ZC3H7A: variants seen among roughly 807,000 people sequenced by gnomAD.
The protein encoded by ZC3H7A is zinc finger CCCH-type containing 7A, also known as zinc finger CCCH domain-containing protein 7A.
Under a neutral mutation model 125.5 loss-of-function variants are expected in ZC3H7A, and 44 were observed. The observed-to-expected ratio is 0.35, with a 90% CI of 0.28 to 0.45. The LOEUF is 0.45. Ranked by LOEUF, ZC3H7A falls within the 20% of genes least tolerant of loss-of-function variation. The pLI, the probability that ZC3H7A is intolerant of heterozygous loss-of-function variation, is 1.00. For missense variants in ZC3H7A, 977 were observed against 1,170.7 expected, an observed-to-expected ratio of 0.83 and a Z score of 2.41; for synonymous variants, 399 against 391.2, an observed-to-expected ratio of 1.02 and a Z score of -0.23.
At chr16:11,761,084 T>A (rs1216822651) in intron 19 of ZC3H7A, among the ~76,000 whole-genome samples, 1 of 152,150 alleles carries the variant, frequency 6.6e-6, no homozygotes, top group East Asian at 1.9e-4. Context: ...ACCAAAGAAA[T>A]CACAATTAAA....
intron 21 of ZC3H7A, among the ~76,000 whole-genome samples, chr16:11,755,887 G>T (rs183050121): frequency 1.3e-5 from 2 of 152,104 alleles, no homozygotes; most frequent in Admixed American, 1.3e-4. Context: ...AAGAAAGGCC[G>T]GGCATGGTGG....
chr16:11,788,616 CTT>C (rs1456172023), intron 1 of ZC3H7A, among the ~76,000 whole-genome samples: 21 of 141,454 alleles, frequency 1.5e-4, no homozygotes, highest in Admixed American at 1.4e-4. Context: ...TTTTTTCTTT[CTT>C]TTTTTTTTTT....
intron 3 of ZC3H7A, among the ~76,000 whole-genome samples, chr16:11,780,535 A>C (rs1180823949): frequency 1.3e-5 from 2 of 152,172 alleles, no homozygotes; most frequent in Non-Finnish European, 2.9e-5. Context: ...TAGCTGATTA[A>C]ATTATTTTAG....
rs66812605 is a variant in ZC3H7A, at chr16:11,760,122, G to GAAAAAAAAAAAAAAAAAAAAAA, written c.2319+1262_2319+1283dup. On this transcript the variant is annotated intron_variant, in intron 19 of 22. Transcript: ENST00000355758. ...CCTGGGTGACAGAGCAAGAAAAAAT[G>GAAAAAAAAAAAAAAAAAAAAAA]AAAAAAAAAAAAAAAAAAAAAAAGA... Among the ~76,000 whole-genome samples, 8 of 82,530 alleles carry GAAAAAAAAAAAAAAAAAAAAAA rather than the reference G, an allele frequency of 9.7e-5. 1 individual carries two copies. The highest frequency in any genetic ancestry group is 3.2e-4 in the African/African-American group (6 of 18,606). The allele number at this position is 82,530 out of a possible 152,430, so 54.1% of individuals were successfully genotyped here.
At position 11,751,088 on chromosome 16, in the gene ZC3H7A, TGG is replaced by T. The variant is rs1567368286; in HGVS notation, c.*227_*228del. 3 of 435,388 alleles carry T rather than the reference TGG, an allele frequency of 6.9e-6. No individual in the cohort carries two copies. Among genetic ancestry groups the T allele is most frequent in the Non-Finnish European group, 8.2e-6 (2 of 244,242 alleles). 27.0% of individuals were successfully genotyped at this position (435,388 alleles called of 1,614,324 possible). A position where few individuals can be genotyped will look rare whatever the true frequency, so the allele number is the denominator to read the frequency against. On this transcript the variant is annotated 3_prime_UTR_variant, in exon 23 of 23. Coordinates refer to ENST00000355758, the MANE Select transcript of ZC3H7A (RefSeq NM_014153.4). The stretch of plus-strand genomic sequence containing the variant: ...TTCATCCAAAAGTCTGTTCAACAGA[TGG>T]CAACCGGGTAGCAGTCACTTCACCA...
At position 11,765,759 on chromosome 16, in the gene ZC3H7A, A is replaced by G; in HGVS notation, c.1523-74T>C. The G allele has an allele frequency of 6.9e-7, 1 of 1,445,162 alleles. No homozygotes were observed. The highest frequency in any genetic ancestry group is 1.4e-5 in the African/African-American group (1 of 71,054). The allele number at this position is 1,445,162 out of a possible 1,614,324, so 89.5% of individuals were successfully genotyped here. On this transcript the variant is annotated intron_variant, in intron 13 of 22. Transcript: ENST00000355758. This position sits in a 1 kb window ranked among gnomAD's most constrained non-coding sequence, Gnocchi z 4.8. ...GTACTCCCAGCTACTTGGGAGGCTG[A>G]GGTGGGAGGATCCCTTGAGCCCAGG... is the stretch of plus-strand genomic sequence containing the variant.
In ZC3H7A at chr16:11,776,907, A is replaced by G; in HGVS notation, c.309T>C (p.Gly103=). 6.3e-7 allele frequency: 1 copy of G among 1,591,868 alleles called. No homozygotes were observed. Among genetic ancestry groups the G allele is most frequent in the East Asian group, 2.3e-5 (1 of 44,162 alleles). The stretch of plus-strand genomic sequence containing the variant: ...AGTCCTCCAAAACTTTATCATGGAA[A>G]CCCTGGTGTGTAAGACCAAAGAATA... The part of the protein sequence containing the change: ...INRIACYSNM[G]FHDKVLEDCN... Residue 103 remains glycine, a splice_region_variant and synonymous_variant, in exon 5 of 23, where the codon GGT becomes GGC. Coordinates refer to ENST00000355758, the MANE Select transcript of ZC3H7A (RefSeq NM_014153.4).
chr16:11,776,709 T>C (rs896428233), intron 5 of ZC3H7A, 42 bp downstream of exon 5: 2 of 1,563,424 alleles, frequency 1.3e-6, no homozygotes, highest in Non-Finnish European at 1.7e-6. Context: ...TATTATGATG[T>C]AAATGGTTAC....
chr16:11,761,561 A>G (rs1364432136), intron 18 of ZC3H7A, 50 bp from the exon 19 acceptor site: 7 of 1,595,342 alleles, frequency 4.4e-6, no homozygotes, highest in Admixed American at 3.4e-5. Flanking sequence ...AGCAAAAGAC[A>G]TAACACAAAG....
intron 9 of ZC3H7A, among the ~76,000 whole-genome samples, chr16:11,773,047 C>T (rs530759517): frequency 3.9e-5 from 6 of 152,026 alleles, no homozygotes; most frequent in South Asian, 2.1e-4. Context: ...GTAGGCCACA[C>T]GGTCCCTGTT....
At position 11,752,584 on chromosome 16, in the gene ZC3H7A, C is replaced by G. The variant is rs2052570686; in HGVS notation, c.2726+85G>C. The G allele has an allele frequency of 4.1e-5, 61 of 1,504,348 alleles. 1 individual carries two copies. In the South Asian group the frequency reaches 7.8e-4, roughly 19 times the overall value. 93.2% of individuals were successfully genotyped at this position (1,504,348 alleles called of 1,614,324 possible). ...GCACAGCAACATTAGAACTTTAACA[C>G]CCAGGTATTCCGTGTCAGCTGACAT... On this transcript the variant is annotated intron_variant, in intron 22 of 22. Transcript: ENST00000355758.
At chr16:11,759,207 G>A (rs765085464) in intron 19 of ZC3H7A, 4 of 152,188 alleles carry the variant, frequency 2.6e-5, no homozygotes, top group Non-Finnish European at 5.9e-5. Context: ...TAAGAATTAT[G>A]AGCCAGGAAC....
intron 1 of ZC3H7A, among the ~76,000 whole-genome samples, chr16:11,791,352 T>G (rs1271253179): frequency 6.6e-6 from 1 of 152,040 alleles, no homozygotes; most frequent in Non-Finnish European, 1.5e-5. Flanking sequence ...TGTTGTTCCC[T>G]CTGCCCAAAA....
rs1164291368 is a variant in ZC3H7A at position 11,774,275 on chromosome 16, G to C, written c.864C>G (p.Asp288Glu). The change falls in exon 9 of 23, where the codon GAC (aspartate) becomes GAG (glutamate). Residue 288 changes from aspartate (D) to glutamate (E), a missense_variant. This residue lies in a region of ZC3H7A where 342 missense variants were observed against 311.3 expected (regional missense o/e 1.10). Coordinates refer to ENST00000355758, the MANE Select transcript of ZC3H7A (RefSeq NM_014153.4). ...GDMVLGDELDDLLDSAPETNE... is the reference protein window; with the variant it reads ...GDMVLGDELDELLDSAPETNE... The stretch of plus-strand genomic sequence containing the variant: ...TAGTTTCAGGTGCAGAATCAAGCAG[G>C]TCATCTAGTTCATCTCCAAGGACCA... 1.2e-6 allele frequency: 2 copies of C among 1,610,294 alleles called. No homozygotes were observed. The highest frequency in any genetic ancestry group is 2.7e-5 in the African/African-American group (2 of 74,874).
Position 11,770,786 on chromosome 16 carries a change from G to C in ZC3H7A, c.1105C>G (p.Arg369Gly). Residue 369 changes from arginine (R) to glycine (G), a missense_variant, in exon 10 of 23, where the codon CGA (arginine) becomes GGA (glycine). By Grantham distance (125) the Arg-to-Gly change is moderately radical (BLOSUM62 -2). Coordinates refer to ENST00000355758, the MANE Select transcript of ZC3H7A (RefSeq NM_014153.4). Reference sequence around the variant, plus strand: ...ACAATTTAGATTTGGTTCTTACCTCGTTTGGATTCACTCATTGAAAATGAA... The same window carrying C: ...ACAATTTAGATTTGGTTCTTACCTCCTTTGGATTCACTCATTGAAAATGAA... ...LNSFSMSESK[R>G]DLSTSTSREG... is the part of the protein sequence containing the mutation. 1 of 1,610,156 alleles carries C rather than the reference G, an allele frequency of 6.2e-7. No homozygotes were observed. Among genetic ancestry groups the C allele is most frequent in the Non-Finnish European group, 8.5e-7 (1 of 1,177,856 alleles).
intron 5 of ZC3H7A, 43 bp from the exon 6 acceptor site, chr16:11,776,575 T>C: frequency 1.9e-6 from 3 of 1,554,208 alleles, no homozygotes; most frequent in Non-Finnish European, 2.6e-6. Context: ...TTATATTTAC[T>C]AATGGTGAAG....
chr16:11,787,655 A>G (rs1478388690), intron 1 of ZC3H7A, among the ~76,000 whole-genome samples: 1 of 152,088 alleles, frequency 6.6e-6, no homozygotes, highest in South Asian at 2.1e-4. Flanking sequence ...GATTAAAAGC[A>G]CAGGGACTGG....
At chr16:11,795,783 G>T (rs566226476) in intron 1 of ZC3H7A, among the ~76,000 whole-genome samples, 1 of 152,072 alleles carries the variant, frequency 6.6e-6, no homozygotes, top group African/African-American at 2.4e-5. Flanking sequence ...TAAAAAAAGA[G>T]AAAAAGAAAA....
At position 11,756,072 on chromosome 16, in the gene ZC3H7A, AG is replaced by A. The variant is rs1315867318; in HGVS notation, c.2562+164del. On this transcript the variant is annotated intron_variant, in intron 21 of 22. Transcript: ENST00000355758. The stretch of plus-strand genomic sequence containing the variant: ...CAGCTACTTGGGAGGCTGAGGCAAG[AG>A]AATTGCTTGAACCAGGGAGGCGGAG... Among the ~76,000 whole-genome samples, 28 of 152,290 alleles carry A rather than the reference AG, an allele frequency of 1.8e-4. No homozygotes were observed. The East Asian group carries it at 5.2e-3, about 28-fold the overall frequency.
Sources: gnomAD v4.1 joint callset for allele counts (sites outside exome capture counted in the v4.1 genomes callset) on GRCh38, gnomAD v4.1.1 for gene constraint, gnomAD v4.1.1 regional missense constraint, Gnocchi (gnomAD v3.1) non-coding constraint, MANE v1.5 for transcripts, NCBI Gene and HGNC (gene_info 2026-07-23, HGNC 2026-07-21) for gene names.